Variants in GREB1 observed in about 807,000 individuals in gnomAD.
GREB1 encodes protein GREB1.
In GREB1, 106 loss-of-function variants were observed where a neutral mutation model predicts 200.7. The observed-to-expected ratio is 0.53, with a 90% confidence interval of 0.45 to 0.62. The LOEUF (loss-of-function observed/expected upper bound fraction) is 0.62. Ranked by LOEUF, GREB1 falls within the 20% of genes least tolerant of loss-of-function variation. GREB1 has a pLI of 0.00. For missense variants in GREB1, 2,243 were observed against 2,556.8 expected (o/e 0.88, Z 2.65); for synonymous variants, 1,132 against 1,092.4 (o/e 1.04, Z -0.72).
At chr2:11,533,184 A>G (rs925752880), upstream of GREB1, among the ~76,000 whole-genome samples, 3 of 152,204 alleles carry the variant, frequency 2.0e-5, no homozygotes, top group African/African-American at 7.2e-5. Context: ...GCAATTTTTA[A>G]GCTCCACTTT....
intron 21 of GREB1, among the ~76,000 whole-genome samples, chr2:11,617,173 C>T (rs1016351818): frequency 7.2e-5 from 11 of 152,360 alleles, no homozygotes; most frequent in Non-Finnish European, 1.2e-4. Flanking sequence ...GAGCCTTCCG[C>T]GTAGCCACAG....
chr2:11,529,130 T>C (rs906133272), upstream of GREB1, among the ~76,000 whole-genome samples: 1 of 152,130 alleles, frequency 6.6e-6, no homozygotes, highest in African/African-American at 2.4e-5. Context: ...GTATTAAACC[T>C]GTAAAGATGG....
chr2:11,498,349 CCATTTATTGAAAAAGCT>C (rs1414209380), intron 1 of GREB1, among the ~76,000 whole-genome samples: 1 of 152,084 alleles, frequency 6.6e-6, no homozygotes, highest in African/African-American at 2.4e-5. Flanking sequence ...TGTTCCAGCA[CCATTTATTGAAAAAGCT>C]GTCTCTCCTA....
At chr2:11,583,397 G>T (rs1243250207) in intron 7 of GREB1, among the ~76,000 whole-genome samples, 1 of 152,228 alleles carries the variant, frequency 6.6e-6, no homozygotes, top group African/African-American at 2.4e-5. Context: ...GTCAGTGGTT[G>T]TTGGGAGGGC....
chr2:11,550,559 G>C lies in GREB1; in HGVS notation c.-161-5895G>C, dbSNP rs534970510. ...AGGGCTGCTCGGGAAGGGAGAGGGA[G>C]TCCTCCCACTCTTCAGCCCTACTTT... On this transcript the variant is annotated intron_variant, in intron 1 of 32. Coordinates refer to ENST00000381486, the MANE Select transcript of GREB1 (RefSeq NM_014668.4). 2.0e-5 allele frequency among the ~76,000 whole-genome samples: 3 copies of C among 152,304 alleles called. No homozygotes were observed. The East Asian group carries it at 5.8e-4, about 29-fold the overall frequency.
chr2:11,515,571 T>C (rs1022289971), intron 1 of GREB1, among the ~76,000 whole-genome samples: 3 of 151,632 alleles, frequency 2.0e-5, no homozygotes, highest in Admixed American at 2.0e-4. Context: ...CTGTGAGATG[T>C]GAGGCTCTCC....
intron 4 of GREB1, among the ~76,000 whole-genome samples, chr2:11,567,748 T>A (rs1677821359): frequency 1.3e-5 from 2 of 152,244 alleles, no homozygotes; most frequent in African/African-American, 2.4e-5. Context: ...AATTGAGTTC[T>A]TACTGTGTGC....
intron 1 of GREB1, among the ~76,000 whole-genome samples, chr2:11,494,337 G>A (rs1304546866): frequency 6.6e-6 from 1 of 152,208 alleles, no homozygotes; most frequent in African/African-American, 2.4e-5. Flanking sequence ...TTATAGATGG[G>A]CTGTGGCAGC....
intron 4 of GREB1, among the ~76,000 whole-genome samples, chr2:11,571,500 G>A (rs1314435342): frequency 6.6e-6 from 1 of 152,194 alleles, no homozygotes; most frequent in Non-Finnish European, 1.5e-5. Context: ...AAAGATGTAC[G>A]CGGTACCTGA....
At chr2:11,587,694 AACACACACACACACACACACACAC>A (rs377181735) in intron 9 of GREB1, 6 of 707,116 alleles carry the variant, frequency 8.5e-6, no homozygotes, top group East Asian at 1.7e-4. Flanking sequence ...AGTACAAGAT[AACACACACACACACACACACACAC>A]ACACACACAC....
chr2:11,578,959 AAGAGGTGACATT>A (rs1295155208), intron 6 of GREB1, among the ~76,000 whole-genome samples: 1 of 152,212 alleles, frequency 6.6e-6, no homozygotes, highest in African/African-American at 2.4e-5. Flanking sequence ...AGGTGGAGGC[AAGAGGTGACATT>A]AGATGTGAAC....
intron 1 of GREB1, among the ~76,000 whole-genome samples, chr2:11,485,593 T>A (rs1672638270): frequency 6.6e-6 from 1 of 152,194 alleles, no homozygotes; most frequent in African/African-American, 2.4e-5. Context: ...ATTTGAAACA[T>A]CTGTGTTTCT....
intron 7 of GREB1, among the ~76,000 whole-genome samples, chr2:11,582,674 C>A (rs1679626570): frequency 6.6e-6 from 1 of 152,244 alleles, no homozygotes. Flanking sequence ...CATCTTGGAG[C>A]CGCTGGTACC....
chr2:11,637,604 TC>T, intron 30 of GREB1, 111 bp from the exon 31 acceptor site: 1 of 787,936 alleles, frequency 1.3e-6, no homozygotes, highest in South Asian at 1.6e-5. Context: ...CTCAGTTCAT[TC>T]CCCTGAGTGA....
At chr2:11,592,388 T>C (rs979706510) in intron 10 of GREB1, among the ~76,000 whole-genome samples, 1 of 150,544 alleles carries the variant, frequency 6.6e-6, no homozygotes, top group African/African-American at 2.4e-5. Context: ...TGAGGACATA[T>C]TCTTTTTTCC....
At chr2:11,588,660 G>T (rs1343711992) in intron 9 of GREB1, 86 bp from the exon 10 acceptor site, 2 of 1,238,054 alleles carry the variant, frequency 1.6e-6, no homozygotes. Context: ...ATCTCCTTCA[G>T]TGCCCTCACC....
chr2:11,616,801 G>A (rs1259249980), intron 21 of GREB1, 81 bp downstream of exon 21: 2 of 807,346 alleles, frequency 2.5e-6, no homozygotes, highest in East Asian at 4.9e-5. Flanking sequence ...CCTATAGAGG[G>A]CTATTTGCTG....
At chr2:11,514,978 CCA>C (rs1381486823) in intron 1 of GREB1, among the ~76,000 whole-genome samples, 1 of 152,118 alleles carries the variant, frequency 6.6e-6, no homozygotes, top group Non-Finnish European at 1.5e-5. Flanking sequence ...ATCCATCCAT[CCA>C]TCCATCCGCG....
At chr2:11,591,100 G>T (rs1362045210) in intron 10 of GREB1, among the ~76,000 whole-genome samples, 1 of 152,222 alleles carries the variant, frequency 6.6e-6, no homozygotes, top group Non-Finnish European at 1.5e-5. Flanking sequence ...AGTTCTGGAA[G>T]GAGATGTGGA....
Sources: gnomAD v4.1 joint callset for allele counts (sites outside exome capture counted in the v4.1 genomes callset) on GRCh38, gnomAD v4.1.1 for gene constraint, MANE v1.5 for transcripts, NCBI Gene and HGNC (gene_info 2026-07-23, HGNC 2026-07-21) for gene names.